TMCC1: variants seen among roughly 807,000 people sequenced by gnomAD.
TMCC1 encodes the protein transmembrane and coiled-coil domains protein 1.
A neutral mutation model predicts 52.4 loss-of-function variants in TMCC1; 15 were observed. The ratio of observed to expected loss-of-function variants is 0.29; its 90% CI spans 0.19 to 0.44. The LOEUF (loss-of-function observed/expected upper bound fraction) is 0.44. Among genes scored for constraint, TMCC1 ranks in the 20% least tolerant of loss-of-function variants. The pLI is 1.00. For synonymous variants in TMCC1, 279 were observed against 301.9 expected (o/e 0.92, Z 0.79); for missense variants, 503 against 806.0 (o/e 0.62, Z 4.55).
chr3:129,666,890 C>G (rs1480616076), intron 5 of TMCC1, among the ~76,000 whole-genome samples: 2 of 151,866 alleles, frequency 1.3e-5, no homozygotes, highest in Non-Finnish European at 2.9e-5. Flanking sequence ...ATAGCAAGAC[C>G]CTGACTCTTT....
In TMCC1 at chr3:129,649,309, C is replaced by A. The variant is rs1321253629; in HGVS notation, c.*2172G>T. On this transcript the variant is annotated 3_prime_UTR_variant, in exon 7 of 7. Coordinates refer to ENST00000393238, the MANE Select transcript of TMCC1 (RefSeq NM_001017395.5). ...TGTCAGTTCAAAAAGTTCATAGTGT[C>A]CTTTGGCACTCCTGCCTAAAAAGTC... 1 of 152,118 alleles carries A rather than the reference C, an allele frequency of 6.6e-6. No homozygotes were observed. Among genetic ancestry groups the A allele is most frequent in the Non-Finnish European group, 1.5e-5 (1 of 68,034 alleles). 9.4% of individuals were successfully genotyped at this position (152,118 alleles called of 1,614,324 possible). A position where few individuals can be genotyped will look rare whatever the true frequency, so the allele number is the denominator to read the frequency against.
chr3:129,868,660 G>A (rs1031627995), intron 2 of TMCC1, among the ~76,000 whole-genome samples: 15 of 152,020 alleles, frequency 9.9e-5, no homozygotes, highest in African/African-American at 3.1e-4. Flanking sequence ...GCTGGTCCTC[G>A]GACTCCTGAC....
At chr3:129,882,832 G>C (rs1441061546) in intron 1 of TMCC1, among the ~76,000 whole-genome samples, 1 of 152,150 alleles carries the variant, frequency 6.6e-6, no homozygotes, top group Non-Finnish European at 1.5e-5. Flanking sequence ...CAAATTCAAA[G>C]ACAGTAGAAT....
chr3:129,764,939 C>T (rs2054004805), intron 4 of TMCC1, among the ~76,000 whole-genome samples: 1 of 149,730 alleles, frequency 6.7e-6, no homozygotes, highest in South Asian at 2.1e-4. Context: ...GTAGCTGGGA[C>T]CACAGGCACA....
chr3:129,840,145 T>C (rs193215054), intron 2 of TMCC1, among the ~76,000 whole-genome samples: 1 of 151,200 alleles, frequency 6.6e-6, no homozygotes, highest in Admixed American at 6.6e-5. Context: ...CTGGGCAACA[T>C]GGTGAAACCC....
At chr3:129,770,039 A>G (rs2054428984) in intron 4 of TMCC1, among the ~76,000 whole-genome samples, 1 of 152,130 alleles carries the variant, frequency 6.6e-6, no homozygotes, top group Non-Finnish European at 1.5e-5. Context: ...CAAATGGCCT[A>G]CCTTGCATTT....
At chr3:129,826,139 C>T (rs968534337) in intron 4 of TMCC1, among the ~76,000 whole-genome samples, 10 of 152,088 alleles carry the variant, frequency 6.6e-5, no homozygotes, top group South Asian at 6.2e-4. Context: ...AGGTACATAG[C>T]TGCACTGTCA....
chr3:129,879,625 GGTGAGAA>G (rs1237123976), intron 2 of TMCC1, among the ~76,000 whole-genome samples: 1 of 152,104 alleles, frequency 6.6e-6, no homozygotes, highest in East Asian at 1.9e-4. Context: ...CCATTTTAAA[GGTGAGAA>G]AACAAACATA....
intron 4 of TMCC1, among the ~76,000 whole-genome samples, chr3:129,790,052 A>G (rs2056344248): frequency 6.6e-6 from 1 of 152,238 alleles, no homozygotes; most frequent in African/African-American, 2.4e-5. Context: ...ATGTAAAGAC[A>G]GCAAAAGAAA....
At chr3:129,788,715 G>A (rs527422710) in intron 4 of TMCC1, among the ~76,000 whole-genome samples, 4 of 151,870 alleles carry the variant, frequency 2.6e-5, no homozygotes, top group Non-Finnish European at 5.9e-5. Context: ...TGATCCGCCC[G>A]TCTTGGCCTT....
chr3:129,864,543 A>G (rs931254005), intron 2 of TMCC1, among the ~76,000 whole-genome samples: 1 of 152,206 alleles, frequency 6.6e-6, no homozygotes, highest in Non-Finnish European at 1.5e-5. Flanking sequence ...TAATCCCAGC[A>G]CTCTGGGAGG....
intron 4 of TMCC1, among the ~76,000 whole-genome samples, chr3:129,760,012 C>T (rs1047935943): frequency 4.0e-5 from 6 of 151,468 alleles, no homozygotes; most frequent in Non-Finnish European, 7.4e-5. Flanking sequence ...TGAGCCACCG[C>T]ACCCGGCCCA....
At chr3:129,706,230 A>G (rs1431833766) in intron 4 of TMCC1, among the ~76,000 whole-genome samples, 1 of 151,222 alleles carries the variant, frequency 6.6e-6, no homozygotes, top group Non-Finnish European at 1.5e-5. Context: ...TTTGAGATGG[A>G]GTCTTGCTCT....
At chr3:129,797,998 T>TC (rs1459463609) in intron 4 of TMCC1, among the ~76,000 whole-genome samples, 1 of 150,840 alleles carries the variant, frequency 6.6e-6, no homozygotes, top group South Asian at 2.1e-4. Context: ...TTTTTTTTTT[T>TC]TTCTTTTTTT....
chr3:129,696,636 C>T (rs909431396), intron 4 of TMCC1, among the ~76,000 whole-genome samples: 1 of 152,320 alleles, frequency 6.6e-6, no homozygotes, highest in South Asian at 2.1e-4. Context: ...AGTCCAAAGT[C>T]TCATGTGAGA....
At chr3:129,782,636 T>G (rs1300890093) in intron 4 of TMCC1, among the ~76,000 whole-genome samples, 1 of 152,144 alleles carries the variant, frequency 6.6e-6, no homozygotes, top group Admixed American at 6.6e-5. Flanking sequence ...CTTACTCCTT[T>G]TTTGACTCTT....
intron 4 of TMCC1, among the ~76,000 whole-genome samples, chr3:129,766,282 C>T (rs1460328189): frequency 6.6e-6 from 1 of 152,102 alleles, no homozygotes; most frequent in Non-Finnish European, 1.5e-5. Context: ...ACAGCAACGC[C>T]CTGATGTGTT....
chr3:129,653,071 G>A (rs1162516369), intron 6 of TMCC1, among the ~76,000 whole-genome samples: 5 of 151,958 alleles, frequency 3.3e-5, no homozygotes, highest in Non-Finnish European at 2.9e-5. Flanking sequence ...TTCACAACTT[G>A]CTTTTTTTTT....
rs2060756009 is a variant in TMCC1 at position 129,868,421 on chromosome 3, A to G, written c.-184+11888T>C. ...GGAATTTGATAAAGACTCCTCAGGA[A>G]TATGGCATTTAGCTGTTTCTTTTCT... On this transcript the variant is annotated intron_variant, in intron 2 of 6. Transcript: ENST00000393238. Among the ~76,000 whole-genome samples, 4 of 152,308 alleles carry G rather than the reference A, an allele frequency of 2.6e-5. No individual in the cohort carries two copies. In the South Asian group the frequency reaches 8.3e-4, roughly 32 times the overall value.
Sources: allele counts gnomAD v4.1 joint callset (sites outside exome capture counted in the v4.1 genomes callset), GRCh38; gene constraint gnomAD v4.1.1; transcripts MANE v1.5; gene names NCBI Gene and HGNC (gene_info 2026-07-23, HGNC 2026-07-21).